The following AAK1 variants were observed in gnomAD, a reference collection of about 807,000 sequenced individuals.
The protein encoded by AAK1 is AP2 associated kinase 1.
A neutral mutation model predicts 116.0 loss-of-function variants in AAK1; 37 were observed. The observed-to-expected ratio is 0.32, with a 90% confidence interval of 0.25 to 0.42. The LOEUF (loss-of-function observed/expected upper bound fraction) is 0.42, where lower values mean the gene tolerates loss of function less well. Ranked by LOEUF, AAK1 falls within the 10% of genes least tolerant of loss-of-function variation. AAK1 has a pLI of 1.00. For synonymous variants in AAK1, 458 were observed against 439.9 expected (o/e 1.04, Z -0.51); for missense variants, 919 against 1,170.6 (o/e 0.79, Z 3.14).
At chr2:69,519,951 T>C (rs1188456583) in intron 11 of AAK1, 1 of 202,550 alleles carries the variant, frequency 4.9e-6, no homozygotes, top group African/African-American at 2.3e-5. Context: ...AAATTGAAAG[T>C]AAGTTGTCTG....
At chr2:69,519,329 G>A in intron 11 of AAK1, 89 bp from the exon 12 acceptor site, 1 of 1,450,004 alleles carries the variant, frequency 6.9e-7, no homozygotes. Flanking sequence ...AATAGGGGGT[G>A]ACAAGTGTGC....
intron 20 of AAK1, among the ~76,000 whole-genome samples, chr2:69,477,883 T>G (rs1310765051): frequency 1.3e-5 from 2 of 152,212 alleles, no homozygotes; most frequent in South Asian, 2.1e-4. Context: ...GCTCTTTCTT[T>G]TCTACACATT....
At position 69,535,157 on chromosome 2, in the gene AAK1, G is replaced by C. The variant is rs111701024; in HGVS notation, c.535-2995C>G. ...ATGTGTGCACTCGCTTTCTGAATCA[G>C]TTTCTACACTTCTAATGCTGGAATG... On this transcript the variant is annotated intron_variant, in intron 5 of 21. Coordinates refer to ENST00000409085, the MANE Select transcript of AAK1 (RefSeq NM_014911.5). Among the ~76,000 whole-genome samples the C allele has an allele frequency of 6.0e-3, 919 of 152,280 alleles. 8 individuals carry two copies. The highest frequency in any genetic ancestry group is 0.021 in the African/African-American group (862 of 41,550).
At chr2:69,550,233 GGTTT>G (rs1671118562) in intron 3 of AAK1, among the ~76,000 whole-genome samples, 1 of 152,122 alleles carries the variant, frequency 6.6e-6, no homozygotes, top group Non-Finnish European at 1.5e-5. Context: ...GTTATGACAT[GGTTT>G]GTTCTTATTG....
intron 17 of AAK1, among the ~76,000 whole-genome samples, chr2:69,493,083 C>T (rs1259667604): frequency 9.2e-5 from 13 of 141,904 alleles, no homozygotes; most frequent in Admixed American, 2.3e-4. Context: ...GGCGTGAACC[C>T]GGGAGGCGGA....
intron 10 of AAK1, 37 bp from the exon 11 acceptor site, chr2:69,521,025 T>C (rs569719958): frequency 2.1e-5 from 34 of 1,610,044 alleles, no homozygotes; most frequent in Non-Finnish European, 2.6e-5. Flanking sequence ...TATTAAAGTA[T>C]GGGAAAAATG....
In AAK1 at chr2:69,472,617, T is replaced by A. The variant is rs1385284032; in HGVS notation, c.*3252A>T. ...CTTAAGCCTTATCTCCTCTGAGGTA[T>A]GTATTTTTGAAAACATTGGGACTCA... is the stretch of plus-strand genomic sequence containing the variant. On this transcript the variant is annotated 3_prime_UTR_variant, in exon 22 of 22. Transcript: ENST00000409085. The A allele has an allele frequency of 3.2e-5, 32 of 985,190 alleles. No homozygotes were observed. The Admixed American group carries it at 2.0e-3, about 61-fold the overall frequency. 61.0% of individuals were successfully genotyped at this position (985,190 alleles called of 1,614,324 possible).
chr2:69,546,441 T>C (rs1470922082), intron 3 of AAK1, among the ~76,000 whole-genome samples: 1 of 152,188 alleles, frequency 6.6e-6, no homozygotes, highest in Non-Finnish European at 1.5e-5. Context: ...TAGAACTCAT[T>C]TCCATTTACA....
chr2:69,490,690 TA>T (rs1558904719), intron 17 of AAK1, among the ~76,000 whole-genome samples: 1 of 152,000 alleles, frequency 6.6e-6, no homozygotes, highest in African/African-American at 2.4e-5. Context: ...GTTTAATGGG[TA>T]CAGAGTTTCA....
intron 17 of AAK1, 111 bp from the exon 18 acceptor site, chr2:69,482,923 C>A: frequency 1.5e-6 from 1 of 650,704 alleles, no homozygotes; most frequent in East Asian, 2.7e-5. Context: ...ATATTTGGTA[C>A]AGGTTCACCA....
At position 69,466,347 on chromosome 2, in the gene AAK1, T is replaced by C; in HGVS notation, c.*9522A>G. ...GCAGTCCAGCATGTCTCCTTCAAGG[T>C]CAGTCCCTTCCTCTTCGCTGCTGTG... On this transcript the variant is annotated 3_prime_UTR_variant, in exon 22 of 22. Coordinates refer to ENST00000409085, the MANE Select transcript of AAK1 (RefSeq NM_014911.5). 7.8e-7 allele frequency: 1 copy of C among 1,289,814 alleles called. No individual in the cohort carries two copies. Among genetic ancestry groups the C allele is most frequent in the Non-Finnish European group, 1.0e-6 (1 of 988,870 alleles). 79.9% of individuals were successfully genotyped at this position (1,289,814 alleles called of 1,614,324 possible).
chr2:69,566,326 T>C (rs1413920578), intron 2 of AAK1, among the ~76,000 whole-genome samples: 1 of 152,084 alleles, frequency 6.6e-6, no homozygotes, highest in Non-Finnish European at 1.5e-5. Flanking sequence ...CAGTGGGGGC[T>C]TGGGGTTTGT....
chr2:69,611,451 T>C (rs985068660), intron 2 of AAK1, among the ~76,000 whole-genome samples: 5 of 152,190 alleles, frequency 3.3e-5, no homozygotes, highest in East Asian at 1.9e-4. Context: ...GTAAAACTTA[T>C]ACAGCACATG....
rs1675811282 is a variant in AAK1, at chr2:69,642,961, G to A, written c.80C>T (p.Thr27Ile). Residue 27 changes from threonine (T) to isoleucine (I), a missense_variant, in exon 2 of 22, where the codon ACC becomes ATC. By Grantham distance (89) the Thr-to-Ile change is moderately conservative (BLOSUM62 -1). Coordinates refer to ENST00000409085, the MANE Select transcript of AAK1 (RefSeq NM_014911.5). ...GATGTAGCCACTGCCCAGGCCCGAG[G>A]TGCTGCCCCCTCCTCCGCTGGAGCC... The part of the protein sequence containing the change: ...GSGSSGGGGS[T>I]SGLGSGYIGR... The A allele has an allele frequency of 6.2e-7, 1 of 1,613,534 alleles. No individual in the cohort carries two copies. Among genetic ancestry groups the A allele is most frequent in the Non-Finnish European group, 8.5e-7 (1 of 1,179,772 alleles).
chr2:69,506,793 T>C (rs1676201257), intron 15 of AAK1, among the ~76,000 whole-genome samples: 1 of 152,170 alleles, frequency 6.6e-6, no homozygotes, highest in Non-Finnish European at 1.5e-5. Flanking sequence ...TACTTTTTAT[T>C]AGAGTACTCT....
chr2:69,489,193 G>T (rs112499795), intron 17 of AAK1, among the ~76,000 whole-genome samples: 1 of 151,398 alleles, frequency 6.6e-6, no homozygotes, highest in Non-Finnish European at 1.5e-5. Flanking sequence ...GCTCACCCCT[G>T]TAATCCCAGC....
At chr2:69,587,496 G>A (rs929922829) in intron 2 of AAK1, among the ~76,000 whole-genome samples, 6 of 141,300 alleles carry the variant, frequency 4.2e-5, no homozygotes, top group South Asian at 2.3e-4. Flanking sequence ...ATGTCGTTTC[G>A]CTCTTGTTGC....
At chr2:69,596,479 C>T (rs546469976) in intron 2 of AAK1, among the ~76,000 whole-genome samples, 111 of 152,310 alleles carry the variant, frequency 7.3e-4, no homozygotes, top group Non-Finnish European at 1.4e-3. Context: ...GCCTTCACCT[C>T]CCAAAGTGCT....
intron 17 of AAK1, among the ~76,000 whole-genome samples, chr2:69,485,958 C>CTT (rs35387178): frequency 3.5e-5 from 5 of 144,598 alleles, no homozygotes; most frequent in African/African-American, 1.3e-4. Context: ...TGAGCCTGGC[C>CTT]TTTTTTTTTT....
Sources: gnomAD v4.1 joint callset for allele counts (sites outside exome capture counted in the v4.1 genomes callset) on GRCh38, gnomAD v4.1.1 for gene constraint, MANE v1.5 for transcripts, NCBI Gene and HGNC (gene_info 2026-07-23, HGNC 2026-07-21) for gene names.